Variants in POLA1 observed in about 807,000 individuals in gnomAD.
POLA1 encodes the protein DNA polymerase alpha 1, catalytic subunit, also known as DNA polymerase alpha catalytic subunit.
Under a neutral mutation model 124.0 loss-of-function variants are expected in POLA1, and 15 were observed. The ratio of observed to expected loss-of-function variants is 0.12; its 90% CI spans 0.08 to 0.19. The LOEUF (loss-of-function observed/expected upper bound fraction) is 0.19, where lower values mean the gene tolerates loss of function less well. Ranked by LOEUF, POLA1 falls within the 10% of genes least tolerant of loss-of-function variation. The probability of loss-of-function intolerance (pLI) is 1.00; values close to 1 mark genes in which losing one functional copy is unlikely to be tolerated. For missense variants in POLA1, 886 were observed against 1,103.4 expected (o/e 0.80, Z 2.79); for synonymous variants, 408 against 389.4 (o/e 1.05, Z -0.56).
intron 27 of POLA1, 58 bp from the exon 28 acceptor site, chrX:24,810,650 A>G: frequency 1.2e-5 from 6 of 505,376 alleles, no homozygotes; most frequent in Non-Finnish European, 2.0e-5. Context: ...CTTTAGTTTC[A>G]TTGTATGTAA....
intron 36 of POLA1, among the ~76,000 whole-genome samples, chrX:24,975,629 T>G (rs1030477464): frequency 1.8e-5 from 2 of 111,964 alleles, no homozygotes; most frequent in Admixed American, 9.5e-5. Flanking sequence ...CATGAGAGAA[T>G]GAGAGTGGAA....
chrX:24,988,124 C>T (rs1406005240), intron 36 of POLA1, among the ~76,000 whole-genome samples: 1 of 112,553 alleles, frequency 8.9e-6, no homozygotes, highest in Non-Finnish European at 1.9e-5. Flanking sequence ...GATGGTACAG[C>T]CTTTGGCCCA....
intron 36 of POLA1, among the ~76,000 whole-genome samples, chrX:24,962,404 C>A (rs1212880484): frequency 8.9e-6 from 1 of 111,957 alleles, no homozygotes; most frequent in Non-Finnish European, 1.9e-5. Context: ...TTAACTTGGG[C>A]AAATTTCTTT....
chrX:24,937,655 A>C (rs1167181404), intron 36 of POLA1, among the ~76,000 whole-genome samples: 3 of 111,802 alleles, frequency 2.7e-5, no homozygotes, highest in Admixed American at 9.5e-5. Flanking sequence ...ACCCAGCAGC[A>C]TAGGCATCAC....
chrX:24,992,311 G>A (rs2048543623), intron 36 of POLA1, among the ~76,000 whole-genome samples: 1 of 111,949 alleles, frequency 8.9e-6, no homozygotes, highest in Non-Finnish European at 1.9e-5. Flanking sequence ...GGAGGCTATG[G>A]ATTGGAAAAG....
chrX:24,728,019 G>A, intron 15 of POLA1, 83 bp downstream of exon 15: 7 of 788,556 alleles, frequency 8.9e-6, no homozygotes, highest in Non-Finnish European at 1.1e-5. Context: ...TTAAGAGAAA[G>A]TTGTTCTTTT....
chrX:24,812,379 T>G (rs1490759716), intron 28 of POLA1, among the ~76,000 whole-genome samples: 1 of 111,947 alleles, frequency 8.9e-6, no homozygotes, highest in East Asian at 2.8e-4. Context: ...TTTCATATAT[T>G]ACCTGGGGCT....
At chrX:24,883,356 A>G (rs1175963072) in intron 34 of POLA1, among the ~76,000 whole-genome samples, 2 of 112,178 alleles carry the variant, frequency 1.8e-5, no homozygotes, top group African/African-American at 3.2e-5. Context: ...CCTATGCTCT[A>G]CAGTTTCAGA....
intron 26 of POLA1, among the ~76,000 whole-genome samples, chrX:24,751,953 G>A (rs1388755872): frequency 8.9e-6 from 1 of 112,089 alleles, no homozygotes; most frequent in East Asian, 2.8e-4. Flanking sequence ...GGATAAATTA[G>A]ATTAAGTTTC....
At chrX:24,975,161 G>A (rs1009174325) in intron 36 of POLA1, among the ~76,000 whole-genome samples, 4 of 111,773 alleles carry the variant, frequency 3.6e-5, no homozygotes, top group East Asian at 2.8e-4. Context: ...ACAGGTGTGC[G>A]CCACCACGCC....
At chrX:24,705,945 G>A (rs1459673724) in intron 4 of POLA1, among the ~76,000 whole-genome samples, 1 of 112,061 alleles carries the variant, frequency 8.9e-6, no homozygotes, top group Non-Finnish European at 1.9e-5. Flanking sequence ...CATTATTGTT[G>A]ATACTAAGTT....
chrX:24,949,212 T>G (rs1244478106), intron 36 of POLA1, among the ~76,000 whole-genome samples: 1 of 112,088 alleles, frequency 8.9e-6, no homozygotes, highest in Non-Finnish European at 1.9e-5. Flanking sequence ...GCGCATGACC[T>G]TTAAATGTGT....
At chrX:24,704,258 TCTG>T (rs1569271728) in intron 3 of POLA1, 128 bp from the exon 4 acceptor site, 5 of 502,132 alleles carry the variant, frequency 1.0e-5, no homozygotes, top group Admixed American at 8.7e-5. Flanking sequence ...TGAACAGAAT[TCTG>T]CTGCACTTAA....
chrX:24,846,688 A>T (rs1383660304), intron 34 of POLA1, among the ~76,000 whole-genome samples: 1 of 112,077 alleles, frequency 8.9e-6, no homozygotes, highest in African/African-American at 3.2e-5. Context: ...AACACTAGCT[A>T]ATCTAAATTG....
At chrX:24,694,045 G>GGCGCCAGCC in intron 1 of POLA1, 41 bp downstream of exon 1, 1 of 1,113,206 alleles carries the variant, frequency 9.0e-7, no homozygotes, top group Non-Finnish European at 1.2e-6. Context: ...GGTTGGGACA[G>GGCGCCAGCC]TGGCATGATT....
intron 35 of POLA1, among the ~76,000 whole-genome samples, chrX:24,913,911 C>T (rs899995390): frequency 9.1e-6 from 1 of 109,654 alleles, no homozygotes; most frequent in Non-Finnish European, 1.9e-5. Context: ...GTGTGTAATC[C>T]GAGCTACTTG....
chrX:24,726,899 A>G, intron 13 of POLA1, 34 bp from the exon 14 acceptor site: 1 of 1,119,662 alleles, frequency 8.9e-7, no homozygotes, highest in South Asian at 2.1e-5. Flanking sequence ...AATAGTTTTA[A>G]ACAAAAAGAT....
chrX:24,918,116 A>G (rs746744863), intron 35 of POLA1, among the ~76,000 whole-genome samples: 4 of 109,098 alleles, frequency 3.7e-5, no homozygotes, highest in East Asian at 2.9e-4. Flanking sequence ...CCAAAAAGCA[A>G]AGTTTGAGGA....
Position 24,905,773 on chromosome X carries a change from G to A in POLA1, c.4164+17651G>A, listed in dbSNP as rs1253667041. 6.3e-5 allele frequency among the ~76,000 whole-genome samples: 7 copies of A among 111,490 alleles called. No homozygotes were observed. The East Asian group carries it at 1.7e-3, about 27-fold the overall frequency. On this transcript the variant is annotated intron_variant, in intron 35 of 36. Coordinates refer to ENST00000379068, the MANE Select transcript of POLA1 (RefSeq NM_001330360.2). ...AGACGGGGTTTTGCCATGTTGACCA[G>A]GCTGGTCTCAAATTCCTGACCTCAG...
Sources: allele counts gnomAD v4.1 joint callset (sites outside exome capture counted in the v4.1 genomes callset), GRCh38; gene constraint gnomAD v4.1.1; transcripts MANE v1.5; gene names NCBI Gene and HGNC (gene_info 2026-07-23, HGNC 2026-07-21).